ZNF343: variants seen among roughly 807,000 people sequenced by gnomAD.
The protein encoded by ZNF343 is zinc finger protein 343.
Under a neutral mutation model 13.8 loss-of-function variants are expected in ZNF343, and 11 were observed. The ratio of observed to expected loss-of-function variants is 0.80; its 90% CI spans 0.50 to 1.32. The LOEUF is 1.32. Ranked by LOEUF, ZNF343 falls within the 40% of genes most tolerant of loss-of-function variation. ZNF343 has a pLI of 0.00. For missense variants in ZNF343, 658 were observed against 714.2 expected (o/e 0.92, Z 0.90); for synonymous variants, 248 against 260.0 (o/e 0.95, Z 0.44).
chr20:2,521,941 A>G (rs929116969), intron 1 of ZNF343, among the ~76,000 whole-genome samples: 2 of 152,234 alleles, frequency 1.3e-5, no homozygotes, highest in Non-Finnish European at 2.9e-5. Context: ...TGCGTTTCTC[A>G]GCTTCTTTGC....
rs61745440 is a variant in ZNF343, at chr20:2,484,338, T to C, written c.623A>G (p.Asn208Ser). The C allele has an allele frequency of 0.015, 24,350 of 1,614,238 alleles. 263 individuals are homozygous for C. The highest frequency in any genetic ancestry group is 0.05 in the Admixed American group (3,014 of 60,032). Reference sequence around the variant, plus strand: ...GCTGGGCTCTGTTTCTACCACCATGTTGCCTTTTCTAGGACTTGCTGACTG... The same window carrying C: ...GCTGGGCTCTGTTTCTACCACCATGCTGCCTTTTCTAGGACTTGCTGACTG... ...QRQSASPRKG[N>S]MVVETEPSSA... Residue 208 changes from asparagine to serine, a missense_variant, in exon 6 of 6, where the codon AAC becomes AGC. Transcript: ENST00000278772.
rs1568472591 is a variant in ZNF343 at position 2,484,214 on chromosome 20, G to A, written c.747C>T (p.Asp249=). Residue 249 remains aspartate (D), a synonymous_variant, in exon 6 of 6, where the codon GAC becomes GAT. Transcript: ENST00000278772. ...GAINCREYEP[D]HNLESNFITN... is the part of the protein sequence containing the mutation. ...TAATAAAGTTTGATTCCAGGTTATG[G>A]TCCGGTTCATACTCTCTACAGTTGA... 1 of 1,614,210 alleles carries A rather than the reference G, an allele frequency of 6.2e-7. No homozygotes were observed. The highest frequency in any genetic ancestry group is 8.5e-7 in the Non-Finnish European group (1 of 1,180,032).
chr20:2,514,793 C>T (rs1425194221), intron 1 of ZNF343, among the ~76,000 whole-genome samples: 2 of 152,026 alleles, frequency 1.3e-5, no homozygotes, highest in Non-Finnish European at 2.9e-5. Flanking sequence ...ACCAGCCTGG[C>T]TAATATGGCG....
intron 1 of ZNF343, among the ~76,000 whole-genome samples, chr20:2,513,990 G>T (rs1386352388): frequency 6.6e-6 from 1 of 152,176 alleles, no homozygotes; most frequent in East Asian, 1.9e-4. Flanking sequence ...AATGCAAAAT[G>T]ACCACTTAAT....
At chr20:2,490,616 C>G (rs2085353132) in intron 5 of ZNF343, among the ~76,000 whole-genome samples, 1 of 150,246 alleles carries the variant, frequency 6.7e-6, no homozygotes, top group Non-Finnish European at 1.5e-5. Context: ...CAGCTCACTG[C>G]AACCTCCACC....
In ZNF343 at chr20:2,481,930, G is replaced by C. The variant is rs1042798351; in HGVS notation, c.*1231C>G. 1 of 152,102 alleles carries C rather than the reference G, an allele frequency of 6.6e-6. No individual in the cohort carries two copies. The allele number at this position is 152,102 out of a possible 1,614,324, so 9.4% of individuals were successfully genotyped here. On this transcript the variant is annotated 3_prime_UTR_variant, in exon 6 of 6. Coordinates refer to ENST00000278772, the MANE Select transcript of ZNF343 (RefSeq NM_024325.6). ...CTTCGCTCACATACAGAGTACATGG[G>C]GGAGTCAAGACATTTCCTGAAAATC... is the stretch of plus-strand genomic sequence containing the variant.
At chr20:2,484,773 A>G in intron 5 of ZNF343, 117 bp from the exon 6 acceptor site, 2 of 916,980 alleles carry the variant, frequency 2.2e-6, no homozygotes, top group Non-Finnish European at 3.2e-6. Flanking sequence ...ATATAAGTAT[A>G]ACACAATTTG....
rs111588097 is a variant in ZNF343, at chr20:2,483,610, T to C, written c.1351A>G (p.Thr451Ala). The change falls in exon 6 of 6, where the codon ACC becomes GCC. Residue 451 changes from threonine (T) to alanine (A), a missense_variant. Transcript: ENST00000278772. Reference protein sequence around the residue: ...ECGRGFCDKSTLIIHERTHSG... With the variant: ...ECGRGFCDKSALIIHERTHSG... ...TGCGTCCGCTCGTGTATGATGAGGG[T>C]TGACTTGTCACAAAAGCCTCGCCCA... 828 of 1,612,910 alleles carry C rather than the reference T, an allele frequency of 5.1e-4. 4 individuals are homozygous for C. The African/African-American group carries it at 9.1e-3, about 18-fold the overall frequency.
At position 2,501,168 on chromosome 20, in the gene ZNF343, G is replaced by A. The variant is rs180815704; in HGVS notation, c.-236-426C>T. On this transcript the variant is annotated intron_variant, in intron 1 of 5. Transcript: ENST00000278772. ...GGCACACCAAGAGATTATATCCCGCGCCTGGCTCAGTGGGTCCTACGCCCA... is the reference window on the plus strand; with the variant it reads ...GGCACACCAAGAGATTATATCCCGCACCTGGCTCAGTGGGTCCTACGCCCA... Among the ~76,000 whole-genome samples the A allele has an allele frequency of 1.9e-4, 29 of 152,266 alleles. 1 individual carries two copies. Among genetic ancestry groups the A allele is most frequent in the Admixed American group, 6.5e-4 (10 of 15,290 alleles).
At chr20:2,509,521 C>T (rs147138235), upstream of ZNF343, among the ~76,000 whole-genome samples, 48 of 152,314 alleles carry the variant, frequency 3.2e-4, no homozygotes, top group Non-Finnish European at 6.3e-4. Flanking sequence ...GGAAGCTTCA[C>T]TCAGGCTGGA....
At chr20:2,516,682 G>A (rs117497451) in intron 1 of ZNF343, among the ~76,000 whole-genome samples, 1,640 of 152,134 alleles carry the variant, frequency 0.011, 19 homozygotes, top group East Asian at 0.063. Flanking sequence ...GAGTGAGGGA[G>A]AGTGAGGTCT....
At chr20:2,513,664 A>G (rs188928486), upstream of ZNF343, among the ~76,000 whole-genome samples, 238 of 152,368 alleles carry the variant, frequency 1.6e-3, 1 homozygote, top group Middle Eastern at 3.4e-3. Flanking sequence ...CAGGTGTTCA[A>G]ACAAAAACTT....
Position 2,483,983 on chromosome 20 carries a change from C to A in ZNF343, c.978G>T (p.Leu326Phe), listed in dbSNP as rs1243975486. The change falls in exon 6 of 6, where the codon TTG becomes TTT. Residue 326 changes from leucine (L) to phenylalanine (F), a missense_variant. Physicochemically the swap from Leu to Phe is conservative, Grantham distance 22. Transcript: ENST00000278772. ...TAAAGCTTTGCCCACACTCCCTGCA[C>A]AAATAAGGCTTCTCTTCTGAATGTG... ...QRTHSEEKPY[L>F]CRECGQSFRS... 1 of 1,613,986 alleles carries A rather than the reference C, an allele frequency of 6.2e-7. No individual in the cohort carries two copies. Among genetic ancestry groups the A allele is most frequent in the Non-Finnish European group, 8.5e-7 (1 of 1,179,944 alleles).
At chr20:2,504,466 C>A (rs1468577974) in intron 1 of ZNF343, among the ~76,000 whole-genome samples, 1 of 152,166 alleles carries the variant, frequency 6.6e-6, no homozygotes, top group Non-Finnish European at 1.5e-5. Context: ...CAGCATCATC[C>A]TGATACCAAA....
chr20:2,487,919 C>T (rs571891103), intron 5 of ZNF343, among the ~76,000 whole-genome samples: 26 of 152,298 alleles, frequency 1.7e-4, no homozygotes, highest in African/African-American at 5.8e-4. Flanking sequence ...AAGTTGAACA[C>T]CTTTTCAAAC....
In ZNF343 at chr20:2,483,833, G is replaced by A. The variant is rs150384067; in HGVS notation, c.1128C>T (p.Ser376=). 188 of 1,598,728 alleles carry A rather than the reference G, an allele frequency of 1.2e-4. No homozygotes were observed. The highest frequency in any genetic ancestry group is 1.4e-4 in the Non-Finnish European group (170 of 1,174,748). Reference sequence around the variant, plus strand: ...CCAGGCACACATAGGGTTTCTCACCGGAGTGTGTCCTCTGGTGTCTGATGA... The same window carrying A: ...CCAGGCACACATAGGGTTTCTCACCAGAGTGTGTCCTCTGGTGTCTGATGA... The part of the protein sequence containing the change: ...SSFIRHQRTH[S]GEKPYVCLEC... The change falls in exon 6 of 6, where the codon TCC becomes TCT. Residue 376 remains serine, a synonymous_variant. Transcript: ENST00000278772.
rs1380458935 is a variant in ZNF343 at position 2,492,680 on chromosome 20, G to C, written c.304+19C>G. On this transcript the variant is annotated intron_variant, in intron 5 of 5. Coordinates refer to ENST00000278772, the MANE Select transcript of ZNF343 (RefSeq NM_024325.6). The stretch of plus-strand genomic sequence containing the variant: ...ATCTCTACTGAATTAATGAAGGAAA[G>C]GAAAGAACACAGCCTTACCCAATGA... The C allele has an allele frequency of 1.2e-6, 2 of 1,603,756 alleles. No individual in the cohort carries two copies. Among genetic ancestry groups the C allele is most frequent in the African/African-American group, 1.3e-5 (1 of 74,150 alleles).
chr20:2,501,238 C>A (rs561140789), intron 1 of ZNF343, among the ~76,000 whole-genome samples: 2 of 152,256 alleles, frequency 1.3e-5, no homozygotes, highest in African/African-American at 4.8e-5. Context: ...GATCAAACTG[C>A]AAGGCGGCAG....
chr20:2,489,094 T>C lies in ZNF343; in HGVS notation c.304+3605A>G, dbSNP rs868299550. Among the ~76,000 whole-genome samples, 3 of 152,180 alleles carry C rather than the reference T, an allele frequency of 2.0e-5. No individual in the cohort carries two copies. The South Asian group carries it at 6.2e-4, about 31-fold the overall frequency. ...AATCAAAGAAATTTGAACACAGATT[T>C]CGTATTAGATACCATTAACTTTGTT... On this transcript the variant is annotated intron_variant, in intron 5 of 5. Transcript: ENST00000278772.
Sources: allele counts gnomAD v4.1 joint callset (sites outside exome capture counted in the v4.1 genomes callset), GRCh38; gene constraint gnomAD v4.1.1; transcripts MANE v1.5; gene names NCBI Gene and HGNC (gene_info 2026-07-23, HGNC 2026-07-21).